The following SART1 variants were observed in gnomAD, a reference collection of about 807,000 sequenced individuals.
The protein encoded by SART1 is U4/U6.U5 tri-snRNP-associated protein 1.
Under a neutral mutation model 105.0 loss-of-function variants are expected in SART1, and 28 were observed. The ratio of observed to expected loss-of-function variants is 0.27; its 90% CI spans 0.20 to 0.37. The LOEUF (loss-of-function observed/expected upper bound fraction) is 0.37. Among genes scored for constraint, SART1 ranks in the 10% least tolerant of loss-of-function variants. SART1 has a pLI of 1.00. For synonymous variants in SART1, 472 were observed against 462.9 expected, an observed-to-expected ratio of 1.02 and a Z score of -0.25; for missense variants, 894 against 1,106.5, an observed-to-expected ratio of 0.81 and a Z score of 2.72.
rs1199824918 is a variant in SART1, at chr11:65,976,774, CCG to C, written c.1857+12_1857+13del. The stretch of plus-strand genomic sequence containing the variant: ...GAGAAGCAGCAGCAGGATGTGAGGG[CCG>C]CGCCGCTGGGGGGTGGGCGTTTGGG... On this transcript the variant is annotated intron_variant, in intron 14 of 19. Coordinates refer to ENST00000312397, the MANE Select transcript of SART1 (RefSeq NM_005146.5). The surrounding 1 kb of genome is among the most constrained non-coding windows in gnomAD (Gnocchi z 5.1). The C allele has an allele frequency of 6.3e-7, 1 of 1,597,248 alleles. No homozygotes were observed. The highest frequency in any genetic ancestry group is 8.5e-7 in the Non-Finnish European group (1 of 1,171,424).
chr11:65,964,722 A>G (rs1855212458), intron 3 of SART1, 152 bp downstream of exon 3: 1 of 761,324 alleles, frequency 1.3e-6, no homozygotes, highest in South Asian at 2.0e-5. Context: ...TTGCTGGTAT[A>G]ATGGGGATCT....
rs1855554097 is a variant in SART1 at position 65,979,816 on chromosome 11, C to G, written c.*786C>G. ...AAAATAAATTGAAGAAAACTGTAAA[C>G]TTTAAAGAATAATCAGCTGGGCGCA... is the stretch of plus-strand genomic sequence containing the variant. On this transcript the variant is annotated 3_prime_UTR_variant, in exon 20 of 20. Transcript: ENST00000312397. The G allele has an allele frequency of 6.6e-6, 1 of 152,166 alleles. No homozygotes were observed. The highest frequency in any genetic ancestry group is 1.5e-5 in the Non-Finnish European group (1 of 68,044). The allele number at this position is 152,166 out of a possible 1,614,324, so 9.4% of individuals were successfully genotyped here.
Position 65,977,917 on chromosome 11 carries a change from C to G in SART1, c.2172+18C>G, listed in dbSNP as rs1472521124. The G allele has an allele frequency of 1.9e-6, 3 of 1,586,678 alleles. No homozygotes were observed. In the African/African-American group the frequency reaches 4.0e-5, roughly 21 times the overall value. On this transcript the variant is annotated intron_variant, in intron 17 of 19. Coordinates refer to ENST00000312397, the MANE Select transcript of SART1 (RefSeq NM_005146.5). ...CCAAGGAGGTGAGCAGGGCCTTTTG[C>G]AGGCGGAGGCCCGGCCTGCCACAGG... is the stretch of plus-strand genomic sequence containing the variant.
chr11:65,966,367 C>T lies in SART1; in HGVS notation c.999C>T (p.Ile333=). The T allele has an allele frequency of 6.2e-7, 1 of 1,614,018 alleles. No individual in the cohort carries two copies. Among genetic ancestry groups the T allele is most frequent in the Non-Finnish European group, 8.5e-7 (1 of 1,180,038 alleles). The change falls in exon 9 of 20, where the codon ATC becomes ATT. Residue 333 remains isoleucine (I), a synonymous_variant. Coordinates refer to ENST00000312397, the MANE Select transcript of SART1 (RefSeq NM_005146.5). ...CCTTGCAGCAAAAACCTCGCTCTATCCTGTCCAAGTATGACGAAGAGCTTG... is the reference window on the plus strand; with the variant it reads ...CCTTGCAGCAAAAACCTCGCTCTATTCTGTCCAAGTATGACGAAGAGCTTG... ...DDLAQQKPRS[I]LSKYDEELEG...
At chr11:65,977,236 A>T (rs958564133) in intron 15 of SART1, 135 bp downstream of exon 15, 22 of 662,592 alleles carry the variant, frequency 3.3e-5, no homozygotes, top group Non-Finnish European at 5.3e-5. Flanking sequence ...GCCCAGAGCC[A>T]CTCCTTCCCC....
At chr11:65,962,950 A>G (rs1000349464) in intron 1 of SART1, among the ~76,000 whole-genome samples, 1 of 151,960 alleles carries the variant, frequency 6.6e-6, no homozygotes, top group Admixed American at 6.6e-5. Context: ...ATTTCTACTG[A>G]AATTGAGGAG....
chr11:65,978,004 A>C lies in SART1; in HGVS notation c.2172+105A>C, dbSNP rs921657495. The C allele has an allele frequency of 8.6e-6, 11 of 1,278,836 alleles. No homozygotes were observed. The allele number at this position is 1,278,836 out of a possible 1,614,324, so 79.2% of individuals were successfully genotyped here. A position where few individuals can be genotyped will look rare whatever the true frequency, so the allele number is the denominator to read the frequency against. On this transcript the variant is annotated intron_variant, in intron 17 of 19. Transcript: ENST00000312397. The surrounding 1 kb of genome is among the most constrained non-coding windows in gnomAD (Gnocchi z 6.8). ...TGCAATGCCCCAGGGTCCTGGCTCC[A>C]CCAGCCTCTGGCTGGGGGCCTGGTG...
chr11:65,962,065 G>GGAGAAGCGC lies in SART1; in HGVS notation c.288_296dup (p.Glu96_Arg98dup). On this transcript the variant is annotated inframe_insertion, in exon 1 of 20. Coordinates refer to ENST00000312397, the MANE Select transcript of SART1 (RefSeq NM_005146.5). ...AGCCCTCCGAGCGGCGCGTGAAGCGGGAGAAGCGCGATGACGGCTACGAGG... is the reference window on the plus strand; with the variant it reads ...AGCCCTCCGAGCGGCGCGTGAAGCGGGAGAAGCGCGAGAAGCGCGATGACGGCTACGAGG... 1 of 1,465,814 alleles carries GGAGAAGCGC rather than the reference G, an allele frequency of 6.8e-7. No homozygotes were observed. The highest frequency in any genetic ancestry group is 9.0e-7 in the Non-Finnish European group (1 of 1,112,930). 90.8% of individuals were successfully genotyped at this position (1,465,814 alleles called of 1,614,324 possible).
At chr11:65,975,013 C>G (rs929874621) in intron 12 of SART1, among the ~76,000 whole-genome samples, 2 of 151,846 alleles carry the variant, frequency 1.3e-5, no homozygotes, top group Non-Finnish European at 2.9e-5. Context: ...GCACTCCAGC[C>G]TGGGCGACAA....
At chr11:65,965,605 G>A in intron 5 of SART1, 97 bp from the exon 6 acceptor site, 2 of 1,382,542 alleles carry the variant, frequency 1.4e-6, no homozygotes, top group Non-Finnish European at 2.0e-6. Flanking sequence ...TTTCCTGCAA[G>A]GCCTGCCCTT....
At chr11:65,966,996 A>G (rs1318241662) in intron 9 of SART1, among the ~76,000 whole-genome samples, 1 of 152,120 alleles carries the variant, frequency 6.6e-6, no homozygotes, top group African/African-American at 2.4e-5. Flanking sequence ...GGGTAAGAGC[A>G]GGACTCTGGA....
chr11:65,965,080 C>A lies in SART1; in HGVS notation c.428-12C>A. On this transcript the variant is annotated splice_polypyrimidine_tract_variant and intron_variant, in intron 3 of 19. Coordinates refer to ENST00000312397, the MANE Select transcript of SART1 (RefSeq NM_005146.5). ...GGGCGGGCATAGCCTCACGTCTGGGCCCCCCTTCCAGAGGCGGGCACCAAG... is the reference window on the plus strand; with the variant it reads ...GGGCGGGCATAGCCTCACGTCTGGGACCCCCTTCCAGAGGCGGGCACCAAG... 6.4e-7 allele frequency: 1 copy of A among 1,566,050 alleles called. No individual in the cohort carries two copies. The highest frequency in any genetic ancestry group is 1.2e-5 in the South Asian group (1 of 84,874).
In SART1 at chr11:65,977,669, C is replaced by T. The variant is rs375911359; in HGVS notation, c.2036+16C>T. The stretch of plus-strand genomic sequence containing the variant: ...AGGATAAGATGTGAGTGTGGTGGGG[C>T]CTGTGCAGGGCTGAGGGGCCTGTGC... On this transcript the variant is annotated intron_variant, in intron 16 of 19. Coordinates refer to ENST00000312397, the MANE Select transcript of SART1 (RefSeq NM_005146.5). The T allele has an allele frequency of 4.8e-4, 769 of 1,613,674 alleles. 1 individual carries two copies. Among genetic ancestry groups the T allele is most frequent in the Middle Eastern group, 2.0e-3 (12 of 6,060 alleles).
At chr11:65,970,069 A>C (rs1855342808) in intron 12 of SART1, among the ~76,000 whole-genome samples, 1 of 152,172 alleles carries the variant, frequency 6.6e-6, no homozygotes, top group African/African-American at 2.4e-5. Flanking sequence ...CACACTGTGC[A>C]GGCAAAAAAG....
Position 65,977,606 on chromosome 11 carries a change from C to A in SART1, c.1989C>A (p.Ala663=). The part of the protein sequence containing the change: ...TTVQKVARVK[A]PNKSLPSAVY... Reference sequence around the variant, plus strand: ...TGCAGAAGGTGGCCCGGGTGAAGGCCCCCAACAAGTCGCTGCCCTCAGCCG... The same window carrying A: ...TGCAGAAGGTGGCCCGGGTGAAGGCACCCAACAAGTCGCTGCCCTCAGCCG... The change falls in exon 16 of 20, where the codon GCC becomes GCA. Residue 663 remains alanine, a synonymous_variant. Transcript: ENST00000312397. 1 of 1,613,926 alleles carries A rather than the reference C, an allele frequency of 6.2e-7. No individual in the cohort carries two copies. The highest frequency in any genetic ancestry group is 8.5e-7 in the Non-Finnish European group (1 of 1,179,976).
rs1855154076 is a variant in SART1, at chr11:65,962,071, G to A, written c.291G>A (p.Lys97=). 2 of 1,485,140 alleles carry A rather than the reference G, an allele frequency of 1.3e-6. No individual in the cohort carries two copies. The highest frequency in any genetic ancestry group is 4.6e-5 in the Admixed American group (2 of 43,858). 92.0% of individuals were successfully genotyped at this position (1,485,140 alleles called of 1,614,324 possible). ...EPSERRVKRE[K]RDDGYEAAAS... ...CCGAGCGGCGCGTGAAGCGGGAGAA[G>A]CGCGATGACGGCTACGAGGCCGGTG... Residue 97 remains lysine (K), a synonymous_variant, in exon 1 of 20, where the codon AAG becomes AAA. Transcript: ENST00000312397.
At position 65,961,961 on chromosome 11, in the gene SART1, G is replaced by A. The variant is rs1024355323; in HGVS notation, c.181G>A (p.Gly61Ser). 39 of 1,524,628 alleles carry A rather than the reference G, an allele frequency of 2.6e-5. No individual in the cohort carries two copies. Among genetic ancestry groups the A allele is most frequent in the Non-Finnish European group, 3.4e-5 (39 of 1,138,188 alleles). The allele number at this position is 1,524,628 out of a possible 1,614,324, so 94.4% of individuals were successfully genotyped here. The change falls in exon 1 of 20, where the codon GGC (glycine) becomes AGC (serine). Residue 61 changes from glycine to serine, a missense_variant. Coordinates refer to ENST00000312397, the MANE Select transcript of SART1 (RefSeq NM_005146.5). ...ERRKRSRERG[G>S]ERGSGRRGAE... ...ACGGAAGCGGAGCCGGGAACGTGGGGGCGAGCGCGGGAGCGGGCGGCGCGG... is the reference window on the plus strand; with the variant it reads ...ACGGAAGCGGAGCCGGGAACGTGGGAGCGAGCGCGGGAGCGGGCGGCGCGG...
At chr11:65,964,837 G>A (rs571973714) in intron 3 of SART1, among the ~76,000 whole-genome samples, 29 of 152,222 alleles carry the variant, frequency 1.9e-4, no homozygotes, top group Non-Finnish European at 3.4e-4. Flanking sequence ...TGCAGACTGC[G>A]CTGTGCGGGG....
In SART1 at chr11:65,962,065, G is replaced by T; in HGVS notation, c.285G>T (p.Arg95=). 5 of 1,465,814 alleles carry T rather than the reference G, an allele frequency of 3.4e-6. No homozygotes were observed. The highest frequency in any genetic ancestry group is 4.5e-6 in the Non-Finnish European group (5 of 1,112,930). 90.8% of individuals were successfully genotyped at this position (1,465,814 alleles called of 1,614,324 possible). A position where few individuals can be genotyped will look rare whatever the true frequency, so the allele number is the denominator to read the frequency against. The change falls in exon 1 of 20, where the codon CGG becomes CGT. Residue 95 remains arginine, a synonymous_variant. Transcript: ENST00000312397. ...AGCCCTCCGAGCGGCGCGTGAAGCG[G>T]GAGAAGCGCGATGACGGCTACGAGG... ...QAEPSERRVK[R]EKRDDGYEAA...
Sources: allele counts gnomAD v4.1 joint callset (sites outside exome capture counted in the v4.1 genomes callset), GRCh38; gene constraint gnomAD v4.1.1; non-coding constraint Gnocchi (gnomAD v3.1); transcripts MANE v1.5; gene names NCBI Gene and HGNC (gene_info 2026-07-23, HGNC 2026-07-21).